Variants in LIN7A observed in about 807,000 individuals in gnomAD.
LIN7A encodes the protein lin-7 cell polarity scaffold A, also known as protein lin-7 homolog A.
LIN7A carries 25 observed loss-of-function variants against 29.8 expected under a neutral mutation model. That is an observed-to-expected ratio of 0.84 (90% confidence interval 0.61 to 1.17). The LOEUF (loss-of-function observed/expected upper bound fraction) is 1.17, where lower values mean the gene tolerates loss of function less well. Ranked by LOEUF, LIN7A falls within the 50% of genes most tolerant of loss-of-function variation. The pLI is 0.00. For missense variants in LIN7A, 239 were observed against 287.0 expected, an observed-to-expected ratio of 0.83 and a Z score of 1.21; for synonymous variants, 118 against 107.5, an observed-to-expected ratio of 1.10 and a Z score of -0.60.
intron 5 of LIN7A, among the ~76,000 whole-genome samples, chr12:80,802,633 T>C (rs1279336111): frequency 6.6e-6 from 1 of 152,124 alleles, no homozygotes; most frequent in Non-Finnish European, 1.5e-5. Flanking sequence ...AAACACTTGT[T>C]ATCTTTTTTC....
At chr12:80,927,360 A>G (rs973569857) in intron 1 of LIN7A, among the ~76,000 whole-genome samples, 14 of 151,794 alleles carry the variant, frequency 9.2e-5, no homozygotes, top group Admixed American at 9.2e-4. Context: ...ACGGGGTTTC[A>G]CCGTGGTCTG....
intron 5 of LIN7A, among the ~76,000 whole-genome samples, chr12:80,810,074 C>T (rs1367099787): frequency 1.3e-5 from 2 of 152,192 alleles, no homozygotes; most frequent in African/African-American, 4.8e-5. Context: ...GTATTATTAA[C>T]TATAGTTACC....
At chr12:80,826,240 G>T (rs1464668014) in intron 4 of LIN7A, among the ~76,000 whole-genome samples, 1 of 152,062 alleles carries the variant, frequency 6.6e-6, no homozygotes, top group Non-Finnish European at 1.5e-5. Flanking sequence ...TTTATACTAA[G>T]ATCTTTTGCT....
At chr12:80,903,658 T>C (rs1876334741) in intron 1 of LIN7A, among the ~76,000 whole-genome samples, 1 of 151,608 alleles carries the variant, frequency 6.6e-6, no homozygotes, top group Admixed American at 6.6e-5. Context: ...TGCAGGTATC[T>C]TTTTGTTATA....
At chr12:80,856,081 G>A (rs752548999) in intron 2 of LIN7A, among the ~76,000 whole-genome samples, 9 of 151,922 alleles carry the variant, frequency 5.9e-5, no homozygotes, top group African/African-American at 1.7e-4. Context: ...CACTGCCTGC[G>A]GCCAGCCATT....
chr12:80,840,000 C>A (rs1408274094), intron 4 of LIN7A, among the ~76,000 whole-genome samples: 1 of 152,164 alleles, frequency 6.6e-6, no homozygotes, highest in Non-Finnish European at 1.5e-5. Flanking sequence ...ATTTCAGAAG[C>A]AAATGAGGGC....
intron 4 of LIN7A, among the ~76,000 whole-genome samples, chr12:80,842,673 A>G (rs2121547071): frequency 6.6e-6 from 1 of 151,936 alleles, no homozygotes; most frequent in Admixed American, 6.6e-5. Flanking sequence ...AATTATTTAC[A>G]CTGATAAAAC....
chr12:80,909,512 G>A (rs540762653), intron 1 of LIN7A, among the ~76,000 whole-genome samples: 2 of 152,216 alleles, frequency 1.3e-5, no homozygotes, highest in East Asian at 3.9e-4. Context: ...GGATGTCAAA[G>A]ATTAAGGTGC....
rs1870280896 is a variant in LIN7A, at chr12:80,793,121, G to T, written c.*4606C>A. On this transcript the variant is annotated 3_prime_UTR_variant, in exon 6 of 6. Coordinates refer to ENST00000552864, the MANE Select transcript of LIN7A (RefSeq NM_004664.4). ...ATGAACTCTTGTGTCAGATTGCATG[G>T]GTTCAAATCCCAGTTCCACCTGCTA... 1 of 152,086 alleles carries T rather than the reference G, an allele frequency of 6.6e-6. No individual in the cohort carries two copies. 9.4% of individuals were successfully genotyped at this position (152,086 alleles called of 1,614,324 possible). A position where few individuals can be genotyped will look rare whatever the true frequency, so the allele number is the denominator to read the frequency against.
At chr12:80,924,129 C>T (rs1012372907) in intron 1 of LIN7A, among the ~76,000 whole-genome samples, 2 of 152,182 alleles carry the variant, frequency 1.3e-5, no homozygotes, top group African/African-American at 2.4e-5. Context: ...TTCCCTAGCC[C>T]TGCCTTGGTA....
intron 1 of LIN7A, among the ~76,000 whole-genome samples, chr12:80,908,451 A>T (rs1180163680): frequency 2.0e-5 from 3 of 152,044 alleles, no homozygotes; most frequent in African/African-American, 7.2e-5. Flanking sequence ...ATATAATTAT[A>T]TGGGAAGTAA....
chr12:80,807,317 G>C (rs915849687), intron 5 of LIN7A, among the ~76,000 whole-genome samples: 2 of 152,010 alleles, frequency 1.3e-5, no homozygotes, highest in African/African-American at 2.4e-5. Context: ...TGATCCACCT[G>C]CCTTGGCCTC....
At chr12:80,852,390 C>G (rs559370941) in intron 2 of LIN7A, among the ~76,000 whole-genome samples, 100 of 152,146 alleles carry the variant, frequency 6.6e-4, no homozygotes, top group African/African-American at 2.3e-3. Flanking sequence ...GGATGACAAG[C>G]CTTTATTGTG....
chr12:80,924,105 A>C (rs192165656), intron 1 of LIN7A, among the ~76,000 whole-genome samples: 1 of 152,292 alleles, frequency 6.6e-6, no homozygotes, highest in East Asian at 1.9e-4. Flanking sequence ...CTTCTTCCCT[A>C]GAATATTAGC....
chr12:80,929,348 GA>G (rs1877766190), intron 1 of LIN7A, among the ~76,000 whole-genome samples: 1 of 152,070 alleles, frequency 6.6e-6, no homozygotes, highest in Admixed American at 6.5e-5. Context: ...TTCAAGCTAG[GA>G]ATAATTTTAG....
chr12:80,906,925 A>G lies in LIN7A; in HGVS notation c.83-17556T>C, dbSNP rs1042853704. ...ACAGATAATTAGGAGGGTGTCTCAA[A>G]GATCAGACTTCCTGGCTCCAATCTC... On this transcript the variant is annotated intron_variant, in intron 1 of 5. Transcript: ENST00000552864. Among the ~76,000 whole-genome samples, 9 of 152,284 alleles carry G rather than the reference A, an allele frequency of 5.9e-5. No individual in the cohort carries two copies. In the South Asian group the frequency reaches 1.0e-3, roughly 18 times the overall value.
At chr12:80,848,362 G>A (rs377434723) in intron 2 of LIN7A, 40 bp from the exon 3 acceptor site, 15 of 1,365,516 alleles carry the variant, frequency 1.1e-5, no homozygotes, top group Admixed American at 1.0e-4. Flanking sequence ...GTAAGAACAT[G>A]AAGAATAATA....
At chr12:80,826,295 C>T (rs1368061731) in intron 4 of LIN7A, among the ~76,000 whole-genome samples, 4 of 152,170 alleles carry the variant, frequency 2.6e-5, no homozygotes. Context: ...AGATTCTTTT[C>T]AACCCTCTTC....
chr12:80,804,930 T>C (rs1870905455), intron 5 of LIN7A, among the ~76,000 whole-genome samples: 1 of 150,212 alleles, frequency 6.7e-6, no homozygotes, highest in Non-Finnish European at 1.5e-5. Context: ...CATTCATCTG[T>C]TGATGGACAC....
Sources: gnomAD v4.1 joint callset for allele counts (sites outside exome capture counted in the v4.1 genomes callset) on GRCh38, gnomAD v4.1.1 for gene constraint, MANE v1.5 for transcripts, NCBI Gene and HGNC (gene_info 2026-07-23, HGNC 2026-07-21) for gene names.